The following MYO1E variants were observed in gnomAD, a reference collection of about 807,000 sequenced individuals.
MYO1E encodes the protein unconventional myosin-Ie.
A neutral mutation model predicts 151.1 loss-of-function variants in MYO1E; 68 were observed. The ratio of observed to expected loss-of-function variants is 0.45; its 90% CI spans 0.37 to 0.55. The LOEUF (loss-of-function observed/expected upper bound fraction) is 0.55. Ranked by LOEUF, MYO1E falls within the 20% of genes least tolerant of loss-of-function variation. MYO1E has a pLI of 0.00. For missense variants in MYO1E, 1,363 were observed against 1,389.3 expected (o/e 0.98, Z 0.30); for synonymous variants, 601 against 501.7 (o/e 1.20, Z -2.64).
chr15:59,256,276 C>T lies in MYO1E; in HGVS notation c.332+8G>A, dbSNP rs4508371. ...TTCCACGCCCACTGATAAGGATCTT[C>T]TTCATACCTGATAATGACGCACTGG... On this transcript the variant is annotated splice_region_variant and intron_variant, in intron 4 of 27. Coordinates refer to ENST00000288235, the MANE Select transcript of MYO1E (RefSeq NM_004998.4). 1,575,071 of 1,580,698 alleles carry T rather than the reference C, an allele frequency of 1. 784,896 individuals are homozygous for T. The highest frequency in any genetic ancestry group is 1 in the East Asian group (44,658 of 44,658).
At chr15:59,290,721 A>G (rs1481804074) in intron 1 of MYO1E, among the ~76,000 whole-genome samples, 1 of 152,210 alleles carries the variant, frequency 6.6e-6, no homozygotes, top group African/African-American at 2.4e-5. Context: ...ATAGACATCA[A>G]TTGCCAAAAC....
intron 12 of MYO1E, chr15:59,212,602 A>G (rs1304126621): frequency 6.6e-6 from 1 of 152,184 alleles, no homozygotes; most frequent in Non-Finnish European, 1.5e-5. Context: ...TTGAAATCCA[A>G]AACAATGGTG....
intron 9 of MYO1E, chr15:59,218,316 G>A (rs2140346122): frequency 1.5e-6 from 1 of 654,264 alleles, no homozygotes; most frequent in East Asian, 3.1e-5. Flanking sequence ...CAATTCCTAT[G>A]ATGACTGAGA....
chr15:59,316,697 G>C, intron 1 of MYO1E, among the ~76,000 whole-genome samples: 1 of 152,102 alleles, frequency 6.6e-6, no homozygotes, highest in East Asian at 1.9e-4. Flanking sequence ...GTACGGATTA[G>C]ACATCAATCC....
intron 1 of MYO1E, among the ~76,000 whole-genome samples, chr15:59,298,117 T>G (rs1234965955): frequency 1.3e-5 from 2 of 152,202 alleles, no homozygotes; most frequent in Non-Finnish European, 2.9e-5. Context: ...CTGCGTAATT[T>G]TTCCTATTAC....
intron 7 of MYO1E, among the ~76,000 whole-genome samples, chr15:59,225,211 G>A (rs1455118832): frequency 6.6e-6 from 1 of 152,142 alleles, no homozygotes; most frequent in African/African-American, 2.4e-5. Flanking sequence ...CCTGCTCTCT[G>A]GTACTCTTTG....
chr15:59,185,543 A>G (rs1443646271), intron 18 of MYO1E, among the ~76,000 whole-genome samples: 1 of 152,102 alleles, frequency 6.6e-6, no homozygotes, highest in African/African-American at 2.4e-5. Context: ...CTGGGATTAT[A>G]GGTGTGAGCC....
intron 1 of MYO1E, among the ~76,000 whole-genome samples, chr15:59,370,751 G>T (rs2140447328): frequency 6.6e-6 from 1 of 152,320 alleles, no homozygotes. Flanking sequence ...CATGAAAAAT[G>T]AGTTTAACTG....
intron 1 of MYO1E, among the ~76,000 whole-genome samples, chr15:59,364,403 T>C (rs1205954418): frequency 6.6e-6 from 1 of 152,148 alleles, no homozygotes; most frequent in Non-Finnish European, 1.5e-5. Flanking sequence ...GCGGTTCTAG[T>C]GGGTGGAAGG....
intron 17 of MYO1E, among the ~76,000 whole-genome samples, chr15:59,193,865 CAG>C (rs1207179069): frequency 6.6e-6 from 1 of 152,110 alleles, no homozygotes; most frequent in African/African-American, 2.4e-5. Context: ...TGAAAAATTT[CAG>C]AGATTCAATA....
intron 2 of MYO1E, among the ~76,000 whole-genome samples, chr15:59,269,316 T>A (rs2140380083): frequency 6.6e-6 from 1 of 152,124 alleles, no homozygotes; most frequent in South Asian, 2.1e-4. Context: ...GGCACAGAGG[T>A]CACAAAACGT....
Position 59,173,888 on chromosome 15 carries a change from T to C in MYO1E, c.2192A>G (p.Glu731Gly), listed in dbSNP as rs2079609650. The change falls in exon 21 of 28, where the codon GAG (glutamate) becomes GGG (glycine). Residue 731 changes from glutamate to glycine, a missense_variant. Physicochemically the swap from Glu to Gly is moderately conservative, Grantham distance 98. Coordinates refer to ENST00000288235, the MANE Select transcript of MYO1E (RefSeq NM_004998.4). Reference protein sequence around the residue: ...EASDLLLNKKERRRNSINRNF... With the variant: ...EASDLLLNKKGRRRNSINRNF... The stretch of plus-strand genomic sequence containing the variant: ...CCTGTTAATACTGTTTCTCCTTCTC[T>C]CCTTCTTGTTCAATAAGAGGTCTGA... 1 of 1,614,086 alleles carries C rather than the reference T, an allele frequency of 6.2e-7. No individual in the cohort carries two copies.
rs545561748 is a variant in MYO1E, at chr15:59,364,609, T to C, written c.3+7889A>G. 1.1e-3 allele frequency among the ~76,000 whole-genome samples: 173 copies of C among 152,254 alleles called. 5 individuals are homozygous for C. Among genetic ancestry groups the C allele is most frequent in the South Asian group, 0.011 (51 of 4,820 alleles). ...TATTTGCCCCATAATTACAACCACATAAAAACAATGTGTTTGAGGCCCGGT... is the reference window on the plus strand; with the variant it reads ...TATTTGCCCCATAATTACAACCACACAAAAACAATGTGTTTGAGGCCCGGT... On this transcript the variant is annotated intron_variant, in intron 1 of 27. Transcript: ENST00000288235.
At chr15:59,321,157 T>C (rs1008837469) in intron 1 of MYO1E, among the ~76,000 whole-genome samples, 5 of 152,332 alleles carry the variant, frequency 3.3e-5, no homozygotes, top group Middle Eastern at 3.4e-3. Flanking sequence ...CCAGTCAGAA[T>C]GGTTATTAGA....
intron 17 of MYO1E, among the ~76,000 whole-genome samples, chr15:59,190,763 G>C (rs2079728059): frequency 6.6e-6 from 1 of 152,248 alleles, no homozygotes; most frequent in Non-Finnish European, 1.5e-5. Context: ...CGTAGCACGA[G>C]CATGTAAAGC....
intron 1 of MYO1E, among the ~76,000 whole-genome samples, chr15:59,331,402 T>A (rs1380745767): frequency 6.6e-6 from 1 of 152,124 alleles, no homozygotes; most frequent in African/African-American, 2.4e-5. Context: ...AGCACTGATA[T>A]GAGAAATCAG....
chr15:59,267,525 G>C (rs1017626861), intron 2 of MYO1E, among the ~76,000 whole-genome samples: 4 of 152,196 alleles, frequency 2.6e-5, no homozygotes, highest in Non-Finnish European at 5.9e-5. Context: ...TGCCCCTCCA[G>C]TGAACTGGAT....
At chr15:59,308,744 C>A (rs1215955510) in intron 1 of MYO1E, among the ~76,000 whole-genome samples, 1 of 148,386 alleles carries the variant, frequency 6.7e-6, no homozygotes, top group Non-Finnish European at 1.5e-5. Flanking sequence ...GAGGCTGAGG[C>A]AGAAGAATTG....
intron 1 of MYO1E, among the ~76,000 whole-genome samples, chr15:59,361,209 C>T (rs1253784867): frequency 6.6e-6 from 1 of 152,182 alleles, no homozygotes; most frequent in Non-Finnish European, 1.5e-5. Flanking sequence ...AAGCCACTAG[C>T]TGACCACAGT....
Sources: allele counts gnomAD v4.1 joint callset (sites outside exome capture counted in the v4.1 genomes callset), GRCh38; gene constraint gnomAD v4.1.1; transcripts MANE v1.5; gene names NCBI Gene and HGNC (gene_info 2026-07-23, HGNC 2026-07-21).